TASP1: variants seen among roughly 807,000 people sequenced by gnomAD.
TASP1 encodes taspase 1.
Under a neutral mutation model 56.6 loss-of-function variants are expected in TASP1, and 16 were observed. The ratio of observed to expected loss-of-function variants is 0.28; its 90% confidence interval spans 0.19 to 0.43. The LOEUF (loss-of-function observed/expected upper bound fraction) is 0.43, where lower values mean the gene tolerates loss of function less well. Ranked by LOEUF, TASP1 falls within the 20% of genes least tolerant of loss-of-function variation. TASP1 has a pLI of 1.00. For missense variants in TASP1, 393 were observed against 511.6 expected, an observed-to-expected ratio of 0.77 and a Z score of 2.24; for synonymous variants, 179 against 184.2, an observed-to-expected ratio of 0.97 and a Z score of 0.23.
At chr20:13,226,840 T>C in the TASP1 span, among the ~76,000 whole-genome samples, 1 of 152,246 alleles carries the variant, frequency 6.6e-6, no homozygotes, top group Non-Finnish European at 1.5e-5. Context: ...CCAAACCATG[T>C]GGTTGCTTAG....
At chr20:13,260,431 C>T in the TASP1 span, among the ~76,000 whole-genome samples, 1 of 152,110 alleles carries the variant, frequency 6.6e-6, no homozygotes, top group Non-Finnish European at 1.5e-5. Flanking sequence ...TTGGAATTTT[C>T]CAACAGGTTT....
chr20:13,589,282 TCTC>T (rs1250494372), intron 4 of TASP1, among the ~76,000 whole-genome samples: 1 of 151,920 alleles, frequency 6.6e-6, no homozygotes, highest in Admixed American at 6.6e-5. Flanking sequence ...ATGGTCTCGA[TCTC>T]CTGACCTCGT....
chr20:13,359,890 G>A, the TASP1 span, among the ~76,000 whole-genome samples: 2,628 of 151,764 alleles, frequency 0.017, 72 homozygotes, highest in African/African-American at 0.058. Flanking sequence ...CTTGGCGGCC[G>A]ATCATGCACC....
At chr20:13,299,226 G>A in the TASP1 span, 26 of 1,600,898 alleles carry the variant, frequency 1.6e-5, no homozygotes, top group East Asian at 1.8e-4. This position sits in a 1 kb window ranked among gnomAD's most constrained non-coding sequence, Gnocchi z 5.8. Flanking sequence ...CTGCTGCTAC[G>A]GCGACAACAT....
the TASP1 span, among the ~76,000 whole-genome samples, chr20:13,182,944 T>C: frequency 6.6e-6 from 1 of 152,240 alleles, no homozygotes. Context: ...GCAAAATAGC[T>C]AAAAATCTCC....
chr20:13,569,074 C>T (rs1418341859), intron 7 of TASP1, among the ~76,000 whole-genome samples: 1 of 152,006 alleles, frequency 6.6e-6, no homozygotes, highest in Non-Finnish European at 1.5e-5. Flanking sequence ...TTTGTGATAA[C>T]TGTTTTTCAG....
intron 11 of TASP1, among the ~76,000 whole-genome samples, chr20:13,438,140 A>T (rs1212561618): frequency 2.0e-5 from 3 of 152,092 alleles, no homozygotes; most frequent in African/African-American, 7.2e-5. Context: ...TCTTTACAGA[A>T]TTGGAAAAAA....
chr20:13,362,077 T>C, the TASP1 span, among the ~76,000 whole-genome samples: 1 of 149,976 alleles, frequency 6.7e-6, no homozygotes, highest in African/African-American at 2.5e-5. Context: ...TTCAGCTTAA[T>C]CTCTCCCACT....
the TASP1 span, among the ~76,000 whole-genome samples, chr20:13,128,848 G>T: frequency 6.6e-6 from 1 of 150,884 alleles, no homozygotes. Flanking sequence ...GCACCAACAG[G>T]CATGCACCAC....
the TASP1 span, among the ~76,000 whole-genome samples, chr20:13,345,890 T>C: frequency 7.7e-6 from 1 of 130,038 alleles, no homozygotes; most frequent in African/African-American, 2.8e-5. Flanking sequence ...TCTTTGGTGA[T>C]AACACTTAGC....
intron 8 of TASP1, among the ~76,000 whole-genome samples, chr20:13,541,970 G>A (rs1450697148): frequency 7.9e-5 from 12 of 151,404 alleles, no homozygotes; most frequent in African/African-American, 1.9e-4. Flanking sequence ...GCTTGAACCC[G>A]GGAAACAGAG....
chr20:13,208,087 T>A, the TASP1 span, among the ~76,000 whole-genome samples: 1 of 152,218 alleles, frequency 6.6e-6, no homozygotes, highest in Non-Finnish European at 1.5e-5. Context: ...TCATGCAGTC[T>A]CTCACTACGA....
chr20:13,412,524 G>A (rs573468436), intron 13 of TASP1, among the ~76,000 whole-genome samples: 43 of 152,280 alleles, frequency 2.8e-4, no homozygotes, highest in African/African-American at 9.9e-4. Context: ...CTAATTAGAA[G>A]TGGAGTTTCT....
chr20:13,233,595 C>CAA, the TASP1 span, among the ~76,000 whole-genome samples: 189 of 63,672 alleles, frequency 3.0e-3, 2 homozygotes, highest in African/African-American at 9.0e-3. Context: ...AACTCCATCT[C>CAA]AAAAAAAAAA....
the TASP1 span, among the ~76,000 whole-genome samples, chr20:13,357,788 T>C: frequency 1.4e-3 from 206 of 152,308 alleles, 1 homozygote; most frequent in African/African-American, 4.6e-3. Flanking sequence ...AATGCAATAC[T>C]ATACAGCAAA....
chr20:13,190,022 C>A, the TASP1 span, among the ~76,000 whole-genome samples: 2 of 152,110 alleles, frequency 1.3e-5, no homozygotes, highest in Non-Finnish European at 2.9e-5. Context: ...CAGCTGGAGG[C>A]CATTATTCTA....
In TASP1 at chr20:13,431,329, C is replaced by T. The variant is rs534659709; in HGVS notation, c.1096+3715G>A. 1.1e-4 allele frequency among the ~76,000 whole-genome samples: 17 copies of T among 152,236 alleles called. 1 individual carries two copies. The highest frequency in any genetic ancestry group is 3.6e-4 in the African/African-American group (15 of 41,552). On this transcript the variant is annotated intron_variant, in intron 12 of 13. Transcript: ENST00000337743. ...TAATTTATAGCCTGATTTGGAGCAA[C>T]TGATAGAAAGGAGAATCCACTTGAT...
the TASP1 span, chr20:13,299,701 A>G: frequency 2.3e-6 from 1 of 426,640 alleles, no homozygotes; most frequent in Non-Finnish European, 4.2e-6. The surrounding 1 kb of genome is among the most constrained non-coding windows in gnomAD (Gnocchi z 5.8). Flanking sequence ...TGTGGGCAGA[A>G]GGATGGGGAC....
At chr20:13,134,727 A>T in the TASP1 span, among the ~76,000 whole-genome samples, 1 of 152,190 alleles carries the variant, frequency 6.6e-6, no homozygotes, top group Admixed American at 6.5e-5. Context: ...CAGAGGATGG[A>T]ATTCTGGCAG....
Sources: allele counts gnomAD v4.1 joint callset (sites outside exome capture counted in the v4.1 genomes callset), GRCh38; gene constraint gnomAD v4.1.1; non-coding constraint Gnocchi (gnomAD v3.1); transcripts MANE v1.5; gene names NCBI Gene and HGNC (gene_info 2026-07-23, HGNC 2026-07-21).